Variants in TASOR observed in about 807,000 individuals in gnomAD.
TASOR encodes the protein transcription activation suppressor, also known as protein TASOR.
Under a neutral mutation model 178.6 loss-of-function variants are expected in TASOR, and 53 were observed. The observed-to-expected ratio is 0.30, with a 90% CI of 0.24 to 0.37. The LOEUF is 0.37. Ranked by LOEUF, TASOR falls within the 10% of genes least tolerant of loss-of-function variation. TASOR has a pLI of 1.00. For synonymous variants in TASOR, 713 were observed against 696.2 expected, an observed-to-expected ratio of 1.02 and a Z score of -0.38; for missense variants, 1,815 against 1,971.4, an observed-to-expected ratio of 0.92 and a Z score of 1.50.
At chr3:56,626,651 G>A (rs899186766) in intron 21 of TASOR, among the ~76,000 whole-genome samples, 1 of 152,068 alleles carries the variant, frequency 6.6e-6, no homozygotes, top group African/African-American at 2.4e-5. Context: ...GCTGAGGTAG[G>A]AGAATTGCTT....
chr3:56,673,067 T>A (rs2030892975), intron 2 of TASOR, among the ~76,000 whole-genome samples: 1 of 152,172 alleles, frequency 6.6e-6, no homozygotes, highest in South Asian at 2.1e-4. Context: ...CACCTCGGCC[T>A]CCCAAAGTGC....
chr3:56,640,831 T>G (rs769954831), intron 15 of TASOR, among the ~76,000 whole-genome samples: 2 of 152,156 alleles, frequency 1.3e-5, no homozygotes, highest in African/African-American at 2.4e-5. Flanking sequence ...ATATCATAAA[T>G]ATACTGGACA....
chr3:56,653,554 A>G (rs909759032), intron 11 of TASOR, among the ~76,000 whole-genome samples: 1 of 152,082 alleles, frequency 6.6e-6, no homozygotes, highest in Non-Finnish European at 1.5e-5. Flanking sequence ...AAGCCATAAG[A>G]CACTGCAGCA....
chr3:56,675,782 A>C (rs1327256585), intron 1 of TASOR, among the ~76,000 whole-genome samples: 1 of 152,168 alleles, frequency 6.6e-6, no homozygotes, highest in Non-Finnish European at 1.5e-5. Context: ...ACTTGTACAT[A>C]CTCCTAAAGG....
chr3:56,657,274 G>A (rs1188142866), intron 11 of TASOR, among the ~76,000 whole-genome samples: 3 of 150,296 alleles, frequency 2.0e-5, no homozygotes, highest in Non-Finnish European at 4.4e-5. Context: ...ATTGCAGTGA[G>A]CCGAGATCAC....
chr3:56,621,552 G>T lies in TASOR; in HGVS notation c.*1485C>A. 6.3e-7 allele frequency: 1 copy of T among 1,596,100 alleles called. No homozygotes were observed. On this transcript the variant is annotated 3_prime_UTR_variant, in exon 24 of 24. Coordinates refer to ENST00000683822, the MANE Select transcript of TASOR (RefSeq NM_001365635.2). The stretch of plus-strand genomic sequence containing the variant: ...TTCAGGGCCTTCTCCAGAAGCAAAA[G>T]GAGTTGGAAAGTAGTCTCCTGCCTT...
intron 8 of TASOR, among the ~76,000 whole-genome samples, chr3:56,662,931 C>G (rs1346672355): frequency 6.6e-6 from 1 of 152,168 alleles, no homozygotes; most frequent in African/African-American, 2.4e-5. Flanking sequence ...GTAACCCCAG[C>G]ACTTTGGGAG....
intron 7 of TASOR, 30 bp from the exon 8 acceptor site, chr3:56,663,602 A>G (rs2077645974): frequency 3.8e-6 from 5 of 1,306,766 alleles, no homozygotes; most frequent in African/African-American, 1.5e-5. Flanking sequence ...AAAGAAAAAC[A>G]TTACTCATTA....
chr3:56,682,405 T>C (rs1461244624), intron 1 of TASOR, among the ~76,000 whole-genome samples: 1 of 152,048 alleles, frequency 6.6e-6, no homozygotes, highest in African/African-American at 2.4e-5. Context: ...AGCACCATCT[T>C]TCCTCTCTGG....
At chr3:56,671,046 A>G (rs1475344063) in intron 3 of TASOR, among the ~76,000 whole-genome samples, 2 of 151,584 alleles carry the variant, frequency 1.3e-5, no homozygotes, top group Non-Finnish European at 2.9e-5. Flanking sequence ...CAGTCTTCTT[A>G]ATAAAGAAAA....
At chr3:56,648,746 A>T in intron 13 of TASOR, 76 bp downstream of exon 13, 1 of 1,023,626 alleles carries the variant, frequency 9.8e-7, no homozygotes, top group Non-Finnish European at 1.4e-6. Flanking sequence ...CAAAATGTTT[A>T]GTGAGTTATC....
chr3:56,630,685 A>G (rs539775761), intron 18 of TASOR, among the ~76,000 whole-genome samples: 1 of 152,134 alleles, frequency 6.6e-6, no homozygotes, highest in Non-Finnish European at 1.5e-5. Flanking sequence ...CTCTACTAAA[A>G]ATACAAAAAA....
intron 8 of TASOR, among the ~76,000 whole-genome samples, chr3:56,663,164 G>A (rs2077635197): frequency 6.6e-6 from 1 of 151,990 alleles, no homozygotes; most frequent in Non-Finnish European, 1.5e-5. Context: ...GCCTGGGCGA[G>A]AGTAAGACTC....
intron 1 of TASOR, 36 bp downstream of exon 1, chr3:56,682,640 G>C: frequency 1.4e-6 from 2 of 1,422,640 alleles, no homozygotes; most frequent in East Asian, 2.5e-5. Context: ...ATGGAGGGGA[G>C]AGAGAGAGGG....
chr3:56,658,770 C>T (rs911084461), intron 11 of TASOR, among the ~76,000 whole-genome samples: 2 of 151,918 alleles, frequency 1.3e-5, no homozygotes, highest in Non-Finnish European at 2.9e-5. Context: ...AGCTGGGTGT[C>T]GTGGCACATG....
chr3:56,668,182 T>C (rs955222970), intron 6 of TASOR, among the ~76,000 whole-genome samples: 5 of 152,142 alleles, frequency 3.3e-5, no homozygotes, highest in Non-Finnish European at 2.9e-5. Flanking sequence ...CTATAAATAT[T>C]ACCCTGTAAC....
rs1332119388 is a variant in TASOR at position 56,673,732 on chromosome 3, T to TA, written c.332-8dup. ...GTTAATGGCTGGAAAAGTGCTAAAATAAAAAAACAAACATTTAAAATGTTT... is the reference window on the plus strand; with the variant it reads ...GTTAATGGCTGGAAAAGTGCTAAAATAAAAAAAACAAACATTTAAAATGTTT... On this transcript the variant is annotated splice_polypyrimidine_tract_variant and splice_region_variant and intron_variant, in intron 1 of 23. Coordinates refer to ENST00000683822, the MANE Select transcript of TASOR (RefSeq NM_001365635.2). The TA allele has an allele frequency of 5.9e-6, 9 of 1,537,084 alleles. No homozygotes were observed. The East Asian group carries it at 1.2e-4, about 21-fold the overall frequency.
chr3:56,679,168 A>T (rs563623669), intron 1 of TASOR, among the ~76,000 whole-genome samples: 8 of 152,230 alleles, frequency 5.3e-5, no homozygotes, highest in Non-Finnish European at 4.4e-5. Context: ...CCTATTAATG[A>T]TTATAATACA....
chr3:56,677,982 G>A (rs964821079), intron 1 of TASOR, among the ~76,000 whole-genome samples: 1 of 151,934 alleles, frequency 6.6e-6, no homozygotes, highest in African/African-American at 2.4e-5. Context: ...ATCACACAAG[G>A]TTTCCCTACT....
Sources: gnomAD v4.1 joint callset for allele counts (sites outside exome capture counted in the v4.1 genomes callset) on GRCh38, gnomAD v4.1.1 for gene constraint, MANE v1.5 for transcripts, NCBI Gene and HGNC (gene_info 2026-07-23, HGNC 2026-07-21) for gene names.